PCDH15: variants seen among roughly 807,000 people sequenced by gnomAD.
PCDH15 encodes the protein protocadherin-15.
In PCDH15, 129 loss-of-function variants were observed where a neutral mutation model predicts 178.5. The ratio of observed to expected loss-of-function variants is 0.72; its 90% CI spans 0.63 to 0.84. PCDH15 has a LOEUF of 0.84. Ranked by LOEUF, PCDH15 falls within the 40% of genes least tolerant of loss-of-function variation. PCDH15 has a pLI of 0.00. For missense variants in PCDH15, 2,230 were observed against 2,099.9 expected (o/e 1.06, Z -1.21); for synonymous variants, 800 against 732.0 (o/e 1.09, Z -1.50).
intron 1 of PCDH15, among the ~76,000 whole-genome samples, chr10:54,736,001 A>T (rs1291091105): frequency 6.6e-6 from 1 of 151,352 alleles, no homozygotes; most frequent in Non-Finnish European, 1.5e-5. Context: ...ATGTACCCTA[A>T]AACTTAAAGT....
chr10:55,402,547 C>G (rs1373259720), intron 2 of PCDH15, among the ~76,000 whole-genome samples: 5 of 152,052 alleles, frequency 3.3e-5, no homozygotes, highest in Non-Finnish European at 5.9e-5. Flanking sequence ...ATGCTACTCT[C>G]TACTCCACAA....
At chr10:53,821,821 A>G (rs774473420) in intron 32 of PCDH15, 1 of 1,609,688 alleles carries the variant, frequency 6.2e-7, no homozygotes, top group Non-Finnish European at 8.5e-7. Flanking sequence ...ACTATGATCA[A>G]CAAGAGGTTT....
chr10:54,334,813 G>A (rs949488801), intron 6 of PCDH15, among the ~76,000 whole-genome samples: 6 of 151,982 alleles, frequency 3.9e-5, no homozygotes, highest in Non-Finnish European at 5.9e-5. Context: ...AGATAATTAC[G>A]ATTTTCTCTT....
chr10:53,983,448 G>A (rs1477382715), intron 21 of PCDH15, among the ~76,000 whole-genome samples: 2 of 150,622 alleles, frequency 1.3e-5, no homozygotes, highest in South Asian at 2.1e-4. Context: ...CCTCTTCCCT[G>A]TTTTTAACAC....
At chr10:54,848,994 T>C (rs1410564968) in intron 3 of PCDH15, among the ~76,000 whole-genome samples, 1 of 152,164 alleles carries the variant, frequency 6.6e-6, no homozygotes. Context: ...TGGCCGAACA[T>C]AAACTTTATT....
upstream of PCDH15, among the ~76,000 whole-genome samples, chr10:54,802,103 G>A (rs1461622588): frequency 6.6e-6 from 1 of 152,174 alleles, no homozygotes; most frequent in Non-Finnish European, 1.5e-5. Flanking sequence ...GCTGAGGCTG[G>A]TTGAAAATGA....
intron 3 of PCDH15, among the ~76,000 whole-genome samples, chr10:54,869,477 TAA>T (rs1437574783): frequency 6.6e-6 from 1 of 152,166 alleles, no homozygotes; most frequent in Non-Finnish European, 1.5e-5. Flanking sequence ...CATTATATAT[TAA>T]AGAGTACACA....
At chr10:55,130,616 T>A (rs1161812092) in intron 2 of PCDH15, among the ~76,000 whole-genome samples, 4 of 151,824 alleles carry the variant, frequency 2.6e-5, no homozygotes, top group Admixed American at 2.6e-4. Context: ...ATAATTAAAG[T>A]AACAAACCCT....
chr10:55,484,631 C>T lies in PCDH15; in HGVS notation c.-156+142994G>A, dbSNP rs564493724. Among the ~76,000 whole-genome samples the T allele has an allele frequency of 2.2e-3, 332 of 151,806 alleles. 1 individual carries two copies. Among genetic ancestry groups the T allele is most frequent in the African/African-American group, 7.8e-3 (324 of 41,488 alleles). The stretch of plus-strand genomic sequence containing the variant: ...AACAAAGAGACAGCAAACTACCTGA[C>T]TTCAAGAAACACTATATAGTCATAA... On this transcript the variant is annotated intron_variant, in intron 2 of 5. Coordinates refer to the PCDH15 transcript ENST00000613346.
chr10:54,180,610 G>C (rs191384144), intron 13 of PCDH15, among the ~76,000 whole-genome samples: 7 of 152,166 alleles, frequency 4.6e-5, no homozygotes, highest in Admixed American at 3.9e-4. Flanking sequence ...TGTAGCATAG[G>C]GACCTATGTC....
intron 20 of PCDH15, among the ~76,000 whole-genome samples, chr10:53,996,869 C>A (rs2135718): frequency 0.66 from 100,257 of 151,802 alleles, 33,218 homozygotes; most frequent in South Asian, 0.72. Context: ...CCTCCAAGTC[C>A]CCTTTTTCTC....
chr10:54,927,720 G>A (rs1202421106), intron 2 of PCDH15, among the ~76,000 whole-genome samples: 1 of 151,870 alleles, frequency 6.6e-6, no homozygotes, highest in Non-Finnish European at 1.5e-5. Context: ...ATTTTTATTG[G>A]TTTAAAGTCT....
intron 2 of PCDH15, among the ~76,000 whole-genome samples, chr10:54,596,479 G>A (rs1321458562): frequency 6.6e-6 from 1 of 152,128 alleles, no homozygotes; most frequent in African/African-American, 2.4e-5. Context: ...GGATGGGAAA[G>A]ACCATAACCA....
At chr10:54,354,528 C>G (rs1489489014) in intron 5 of PCDH15, among the ~76,000 whole-genome samples, 1 of 152,082 alleles carries the variant, frequency 6.6e-6, no homozygotes, top group African/African-American at 2.4e-5. Flanking sequence ...AGTCTTACTT[C>G]TTTCTTTAAC....
At chr10:53,888,313 T>C (rs1206928288) in intron 26 of PCDH15, among the ~76,000 whole-genome samples, 3 of 123,790 alleles carry the variant, frequency 2.4e-5, no homozygotes, top group South Asian at 2.7e-4. Flanking sequence ...TATATATGTA[T>C]ATATGTACGT....
chr10:55,206,930 A>G (rs955028644), intron 1 of PCDH15, among the ~76,000 whole-genome samples: 6 of 152,054 alleles, frequency 3.9e-5, no homozygotes, highest in African/African-American at 1.5e-4. Flanking sequence ...GAATTTTTAT[A>G]CTAATTTGTG....
intron 2 of PCDH15, chr10:54,641,060 T>C (rs2093976133): frequency 7.3e-6 from 2 of 272,332 alleles, no homozygotes; most frequent in South Asian, 3.1e-5. Flanking sequence ...GCCGAGATGG[T>C]GCCACTGCAC....
chr10:54,424,862 G>T lies in PCDH15; in HGVS notation c.158-45920C>A, dbSNP rs537229576. Among the ~76,000 whole-genome samples, 200 of 127,878 alleles carry T rather than the reference G, an allele frequency of 1.6e-3. 1 individual carries two copies. Among genetic ancestry groups the T allele is most frequent in the Middle Eastern group, 8.0e-3 (2 of 250 alleles). The allele number at this position is 127,878 out of a possible 152,430, so 83.9% of individuals were successfully genotyped here. The stretch of plus-strand genomic sequence containing the variant: ...CATCACACACTGGGGCCCGTCAAGC[G>T]GTGGGGGGAGGGGGGAGGGATAGCA... On this transcript the variant is annotated intron_variant, in intron 3 of 37. Coordinates refer to ENST00000644397, the MANE Select transcript of PCDH15 (RefSeq NM_001384140.1).
At chr10:54,885,087 C>T (rs568695441) in intron 3 of PCDH15, among the ~76,000 whole-genome samples, 1 of 152,116 alleles carries the variant, frequency 6.6e-6, no homozygotes, top group African/African-American at 2.4e-5. Flanking sequence ...TAACTCACAG[C>T]TTTATTCCCA....
Sources: allele counts gnomAD v4.1 joint callset (sites outside exome capture counted in the v4.1 genomes callset), GRCh38; gene constraint gnomAD v4.1.1; transcripts MANE v1.5; gene names NCBI Gene and HGNC (gene_info 2026-07-23, HGNC 2026-07-21).